SKP1: variants seen among roughly 807,000 people sequenced by gnomAD.
The protein encoded by SKP1 is S-phase kinase-associated protein 1.
In SKP1, 1 loss-of-function variant was observed where a neutral mutation model predicts 21.5. That is an observed-to-expected ratio of 0.05 (90% CI 0.02 to 0.22). SKP1 has a LOEUF of 0.22. Among genes scored for constraint, SKP1 ranks in the 10% least tolerant of loss-of-function variants. The probability of loss-of-function intolerance (pLI) is 1.00; values close to 1 mark genes in which losing one functional copy is unlikely to be tolerated. For synonymous variants in SKP1, 59 were observed against 59.3 expected, an observed-to-expected ratio of 0.99 and a Z score of 0.03; for missense variants, 70 against 192.0, an observed-to-expected ratio of 0.36 and a Z score of 3.76.
rs997298875 is a variant in SKP1, at chr5:134,155,261, C to T, written c.*2472G>A. 2.6e-5 allele frequency: 4 copies of T among 152,084 alleles called. No homozygotes were observed. Among genetic ancestry groups the T allele is most frequent in the African/African-American group, 9.7e-5 (4 of 41,390 alleles). The allele number at this position is 152,084 out of a possible 1,614,324, so 9.4% of individuals were successfully genotyped here. A position where few individuals can be genotyped will look rare whatever the true frequency, so the allele number is the denominator to read the frequency against. ...AGTTTTGAAGACTGAGGTTTGGCTA[C>T]TGTGATAATGAGAAAGGACCACTCA... On this transcript the variant is annotated 3_prime_UTR_variant, in exon 6 of 6. Transcript: ENST00000353411.
chr5:134,173,004 C>T (rs1561723613), intron 2 of SKP1, among the ~76,000 whole-genome samples: 1 of 135,816 alleles, frequency 7.4e-6, no homozygotes, highest in Admixed American at 7.7e-5. Flanking sequence ...CAGAGCAAGA[C>T]TCCGTCTCAA....
chr5:134,168,050 TTGG>T (rs1210618286), intron 2 of SKP1, among the ~76,000 whole-genome samples: 1 of 152,210 alleles, frequency 6.6e-6, no homozygotes, highest in African/African-American at 2.4e-5. Flanking sequence ...CATTTAAAAA[TTGG>T]TGGCTCCTAA....
intron 3 of SKP1, among the ~76,000 whole-genome samples, chr5:134,166,561 C>A (rs1042743451): frequency 9.6e-6 from 1 of 104,134 alleles, no homozygotes; most frequent in East Asian, 2.9e-4. Flanking sequence ...AACCTGGCGA[C>A]AGAGCAAGAC....
intron 3 of SKP1, chr5:134,161,919 T>C (rs1452515617): frequency 6.6e-6 from 1 of 152,208 alleles, no homozygotes; most frequent in Non-Finnish European, 1.5e-5. Flanking sequence ...AGTTGTAGAA[T>C]CTAGGCAGTG....
chr5:134,161,471 T>C (rs1288050756), intron 3 of SKP1: 1 of 170,766 alleles, frequency 5.9e-6, no homozygotes, highest in Non-Finnish European at 1.2e-5. Context: ...TCAAAAATCA[T>C]TAAAGAGAAA....
At chr5:134,161,488 A>AATG (rs3053002) in intron 3 of SKP1, 23,625 of 163,064 alleles carry the variant, frequency 0.14, 2,737 homozygotes, top group African/African-American at 0.32. Context: ...GAAATGGGTT[A>AATG]ATATGTACAG....
chr5:134,167,593 G>A (rs1184268983), intron 2 of SKP1, among the ~76,000 whole-genome samples: 1 of 151,926 alleles, frequency 6.6e-6, no homozygotes, highest in Non-Finnish European at 1.5e-5. Flanking sequence ...CGCCATCTCG[G>A]CTCACTGCAA....
In SKP1 at chr5:134,150,168, GCAGA is replaced by G. The variant is rs1310594149; in HGVS notation, c.*7561_*7564del. The stretch of plus-strand genomic sequence containing the variant: ...ATATGGTGAGGGTTCAGCCCAGCAA[GCAGA>G]CAAAGCCTATGTCTCCCAACGTGAA... On this transcript the variant is annotated 3_prime_UTR_variant, in exon 6 of 6. Transcript: ENST00000353411. 6.6e-6 allele frequency: 1 copy of G among 152,214 alleles called. No individual in the cohort carries two copies. Among genetic ancestry groups the G allele is most frequent in the Admixed American group, 6.5e-5 (1 of 15,286 alleles). The allele number at this position is 152,214 out of a possible 1,614,324, so 9.4% of individuals were successfully genotyped here. A position where few individuals can be genotyped will look rare whatever the true frequency, so the allele number is the denominator to read the frequency against.
chr5:134,162,204 G>A (rs76095188), intron 3 of SKP1, among the ~76,000 whole-genome samples: 7,220 of 152,094 alleles, frequency 0.047, 488 homozygotes, highest in African/African-American at 0.15. Flanking sequence ...GTGCTTAAGC[G>A]ATCCTCCCAC....
At chr5:134,158,089 T>G (rs1180543501) in intron 5 of SKP1, 57 of 1,419,726 alleles carry the variant, frequency 4.0e-5, no homozygotes, top group Non-Finnish European at 5.1e-5. Flanking sequence ...ATTCTTTCAT[T>G]TCCTCCCCTC....
intron 2 of SKP1, chr5:134,171,059 T>C (rs1165731706): frequency 2.2e-6 from 1 of 455,544 alleles, no homozygotes; most frequent in African/African-American, 2.0e-5. Context: ...TACCAAGGAG[T>C]TTACAACTTA....
rs1761027086 is a variant in SKP1, at chr5:134,150,377, G to A, written c.*7356C>T. ...CTGGCCAGGAAGGCCACAAGTAAAG[G>A]GAAGCGGAAGGGTTCTTTATATCCT... On this transcript the variant is annotated 3_prime_UTR_variant, in exon 6 of 6. Transcript: ENST00000353411. 6.6e-6 allele frequency: 1 copy of A among 152,192 alleles called. No individual in the cohort carries two copies. Among genetic ancestry groups the A allele is most frequent in the African/African-American group, 2.4e-5 (1 of 41,434 alleles). 9.4% of individuals were successfully genotyped at this position (152,192 alleles called of 1,614,324 possible). A position where few individuals can be genotyped will look rare whatever the true frequency, so the allele number is the denominator to read the frequency against.
At position 134,156,502 on chromosome 5, in the gene SKP1, T is replaced by C. The variant is rs1312008969; in HGVS notation, c.*1231A>G. ...GATGATCTGAGCCTGAACAACTCAG[T>C]GAATGTGAAGAGAAAACAAGATTAC... is the stretch of plus-strand genomic sequence containing the variant. On this transcript the variant is annotated 3_prime_UTR_variant, in exon 6 of 6. Transcript: ENST00000353411. 6.6e-6 allele frequency: 1 copy of C among 151,504 alleles called. No individual in the cohort carries two copies. Among genetic ancestry groups the C allele is most frequent in the African/African-American group, 2.4e-5 (1 of 41,156 alleles). 9.4% of individuals were successfully genotyped at this position (151,504 alleles called of 1,614,324 possible).
chr5:134,158,053 T>C, intron 5 of SKP1: 1 of 1,458,622 alleles, frequency 6.9e-7, no homozygotes, highest in Non-Finnish European at 9.1e-7. Flanking sequence ...CAGTCTGTAG[T>C]CATGTCAACA....
chr5:134,170,973 T>A (rs915178552), intron 2 of SKP1: 1 of 454,226 alleles, frequency 2.2e-6, no homozygotes, highest in African/African-American at 2.0e-5. Context: ...GACACTTGGA[T>A]TGCTTTCAGT....
chr5:134,170,849 A>G (rs1434736615), intron 2 of SKP1: 31 of 373,708 alleles, frequency 8.3e-5, no homozygotes, highest in Non-Finnish European at 1.6e-4. Context: ...TTAGTGTGTC[A>G]GGCACCAAGA....
chr5:134,159,664 C>T (rs927348127), intron 4 of SKP1, among the ~76,000 whole-genome samples: 1 of 152,114 alleles, frequency 6.6e-6, no homozygotes, highest in African/African-American at 2.4e-5. Flanking sequence ...TCTCCTGCCT[C>T]GGCCTCCCGA....
chr5:134,159,304 C>A (rs931142236), intron 4 of SKP1, among the ~76,000 whole-genome samples: 1 of 152,170 alleles, frequency 6.6e-6, no homozygotes, highest in African/African-American at 2.4e-5. Context: ...GCAGATTTTT[C>A]CAGATACCTT....
chr5:134,167,485 A>G (rs1374873508), intron 2 of SKP1, among the ~76,000 whole-genome samples: 1 of 152,092 alleles, frequency 6.6e-6, no homozygotes, highest in East Asian at 1.9e-4. Context: ...CTATTTGCAT[A>G]GCATTTACAT....
Sources: allele counts gnomAD v4.1 joint callset (sites outside exome capture counted in the v4.1 genomes callset), GRCh38; gene constraint gnomAD v4.1.1; transcripts MANE v1.5; gene names NCBI Gene and HGNC (gene_info 2026-07-23, HGNC 2026-07-21).